ROBO2: variants seen among roughly 807,000 people sequenced by gnomAD.
ROBO2 encodes the protein roundabout homolog 2.
Under a neutral mutation model 160.8 loss-of-function variants are expected in ROBO2, and 53 were observed. The observed-to-expected ratio is 0.33, with a 90% CI of 0.26 to 0.41. The LOEUF (loss-of-function observed/expected upper bound fraction) is 0.41, where lower values mean the gene tolerates loss of function less well. ROBO2 is among the 10% of genes least tolerant of loss of function. ROBO2 has a pLI of 1.00. For synonymous variants in ROBO2, 664 were observed against 611.7 expected, an observed-to-expected ratio of 1.09 and a Z score of -1.26; for missense variants, 1,577 against 1,722.4, an observed-to-expected ratio of 0.92 and a Z score of 1.49.
rs532438316 is a variant in ROBO2, at chr3:76,738,448, G to A, written c.110-359566G>A. Among the ~76,000 whole-genome samples the A allele has an allele frequency of 4.6e-5, 7 of 152,248 alleles. 1 individual carries two copies. In the South Asian group the frequency reaches 8.3e-4, roughly 18 times the overall value. On this transcript the variant is annotated intron_variant, in intron 2 of 26. Transcript: ENST00000487694. ...ACCGTAGGATGCTGACTAGATTCCC[G>A]ACCTCAGTTTACTAGATGTCAGTTG...
chr3:76,792,961 T>C (rs1035223913), intron 2 of ROBO2, among the ~76,000 whole-genome samples: 4 of 151,824 alleles, frequency 2.6e-5, no homozygotes, highest in African/African-American at 4.8e-5. Context: ...TTTCTTAAAT[T>C]ATGCTATATT....
intron 2 of ROBO2, among the ~76,000 whole-genome samples, chr3:77,020,623 C>T (rs564284679): frequency 2.5e-4 from 38 of 152,258 alleles, no homozygotes; most frequent in African/African-American, 9.1e-4. Context: ...GGTAGATCCA[C>T]ATTATCTAAT....
At chr3:77,392,204 G>T (rs2074804532) in intron 2 of ROBO2, among the ~76,000 whole-genome samples, 1 of 152,100 alleles carries the variant, frequency 6.6e-6, no homozygotes, top group Non-Finnish European at 1.5e-5. Context: ...TGCTACTGTG[G>T]TCTACCATGT....
chr3:76,360,726 C>G (rs186515973), intron 2 of ROBO2, among the ~76,000 whole-genome samples: 6 of 152,142 alleles, frequency 3.9e-5, no homozygotes, highest in African/African-American at 7.2e-5. Context: ...CGTTAGATGT[C>G]ATTCGGTGGG....
intron 2 of ROBO2, among the ~76,000 whole-genome samples, chr3:76,301,156 C>A (rs572887313): frequency 6.6e-6 from 1 of 152,004 alleles, no homozygotes; most frequent in Non-Finnish European, 1.5e-5. Flanking sequence ...AAAGGAAGGA[C>A]ATTACTCAGG....
intron 1 of ROBO2, among the ~76,000 whole-genome samples, chr3:75,913,270 A>G (rs1454335446): frequency 6.6e-6 from 1 of 152,128 alleles, no homozygotes; most frequent in African/African-American, 2.4e-5. Flanking sequence ...ACTCACATGG[A>G]TGACGTGGGA....
chr3:76,917,379 T>C (rs1341979270), intron 2 of ROBO2, among the ~76,000 whole-genome samples: 1 of 152,150 alleles, frequency 6.6e-6, no homozygotes, highest in Non-Finnish European at 1.5e-5. Context: ...ACACTTAACA[T>C]GGACATACAA....
At chr3:76,244,494 A>G (rs770674863) in intron 2 of ROBO2, among the ~76,000 whole-genome samples, 3 of 152,192 alleles carry the variant, frequency 2.0e-5, no homozygotes, top group Non-Finnish European at 4.4e-5. Context: ...AAATCAATCA[A>G]GCCCCTAATA....
rs544296649 is a variant in ROBO2 at position 77,051,448 on chromosome 3, G to A, written c.61+10602G>A. Among the ~76,000 whole-genome samples the A allele has an allele frequency of 5.3e-5, 8 of 152,170 alleles. No individual in the cohort carries two copies. The East Asian group carries it at 1.6e-3, about 29-fold the overall frequency. ...CTTGTATTTTAAGAACCCTTTCCAG[G>A]CTGGGAATTCTTATTACACTTTCCT... On this transcript the variant is annotated intron_variant, in intron 1 of 25. Coordinates refer to ENST00000461745, the Ensembl canonical transcript of ROBO2.
intron 2 of ROBO2, among the ~76,000 whole-genome samples, chr3:77,341,222 C>T (rs2067020158): frequency 6.6e-6 from 1 of 151,968 alleles, no homozygotes; most frequent in Non-Finnish European, 1.5e-5. Flanking sequence ...TGTTTGAGTA[C>T]TAGCATATAA....
intron 2 of ROBO2, among the ~76,000 whole-genome samples, chr3:76,497,759 A>G (rs139442041): frequency 3.3e-4 from 51 of 152,310 alleles, no homozygotes; most frequent in Non-Finnish European, 6.6e-4. Context: ...GAAAAGACTC[A>G]GGTTTCCCAA....
intron 2 of ROBO2, among the ~76,000 whole-genome samples, chr3:76,330,330 T>C (rs2073386210): frequency 6.6e-6 from 1 of 152,234 alleles, no homozygotes; most frequent in South Asian, 2.1e-4. Flanking sequence ...GTCTACATTA[T>C]GATATTTTTG....
chr3:77,641,135 C>G (rs371704671), intron 24 of ROBO2, among the ~76,000 whole-genome samples: 145 of 152,336 alleles, frequency 9.5e-4, no homozygotes, highest in African/African-American at 3.4e-3. Context: ...AAACACCAAA[C>G]TCATTGGATT....
At chr3:77,358,087 C>T (rs547481782) in intron 2 of ROBO2, among the ~76,000 whole-genome samples, 1 of 152,254 alleles carries the variant, frequency 6.6e-6, no homozygotes, top group African/African-American at 2.4e-5. Flanking sequence ...ATGCTACAAC[C>T]TGGGTATTTG....
Position 76,812,909 on chromosome 3 carries a change from ATT to A in ROBO2, c.110-285080_110-285079del, listed in dbSNP as rs71104626. 8.9e-3 allele frequency among the ~76,000 whole-genome samples: 927 copies of A among 104,636 alleles called. 14 individuals carry two copies. The highest frequency in any genetic ancestry group is 0.031 in the African/African-American group (852 of 27,526). 68.6% of individuals were successfully genotyped at this position (104,636 alleles called of 152,430 possible). On this transcript the variant is annotated intron_variant, in intron 2 of 26. Transcript: ENST00000487694. ...AAAGTGTCCTGGCACAGAAGTATAA[ATT>A]TTTTTTTTTTTTTTTTTTTTTTTTA... is the stretch of plus-strand genomic sequence containing the variant.
At chr3:76,408,256 G>A (rs1458218342) in intron 2 of ROBO2, among the ~76,000 whole-genome samples, 1 of 152,094 alleles carries the variant, frequency 6.6e-6, no homozygotes, top group Non-Finnish European at 1.5e-5. Flanking sequence ...GGAAGGGATT[G>A]AGAAAGGTGG....
At chr3:77,412,204 C>A (rs4327364) in intron 2 of ROBO2, among the ~76,000 whole-genome samples, 20,874 of 152,148 alleles carry the variant, frequency 0.14, 1,727 homozygotes, top group African/African-American at 0.22. Flanking sequence ...TCTGTAGGTT[C>A]TTTAATCCAC....
rs1398107975 is a variant in ROBO2 at position 77,295,670 on chromosome 3, A to G, written c.389-181744A>G. Among the ~76,000 whole-genome samples the G allele has an allele frequency of 2.6e-5, 4 of 151,214 alleles. 1 individual carries two copies. The highest frequency in any genetic ancestry group is 5.9e-5 in the Non-Finnish European group (4 of 67,812). On this transcript the variant is annotated intron_variant, in intron 2 of 25. Transcript: ENST00000461745. Reference sequence around the variant, plus strand: ...GGCTAGATCACCCCAGACATAAAGTAAAATTGATGGTTAAACGGGAAGTTG... The same window carrying G: ...GGCTAGATCACCCCAGACATAAAGTGAAATTGATGGTTAAACGGGAAGTTG...
chr3:76,544,998 A>G (rs1250045684), intron 2 of ROBO2, among the ~76,000 whole-genome samples: 4 of 152,010 alleles, frequency 2.6e-5, no homozygotes, highest in Non-Finnish European at 2.9e-5. Flanking sequence ...CACATTGAGT[A>G]GATATTGATG....
Sources: gnomAD v4.1 joint callset for allele counts (sites outside exome capture counted in the v4.1 genomes callset) on GRCh38, gnomAD v4.1.1 for gene constraint, MANE v1.5 for transcripts, NCBI Gene and HGNC (gene_info 2026-07-23, HGNC 2026-07-21) for gene names.